MIA2: variants seen among roughly 807,000 people sequenced by gnomAD.
MIA2 encodes the protein MIA SH3 domain ER export factor 2, also known as melanoma inhibitory activity protein 2.
MIA2 carries 127 observed loss-of-function variants against 167.8 expected under a neutral mutation model. That is an observed-to-expected ratio of 0.76 (90% CI 0.66 to 0.88). The LOEUF is 0.88. MIA2 is among the 40% of genes least tolerant of loss of function. The pLI is 0.00. For synonymous variants in MIA2, 552 were observed against 541.9 expected, an observed-to-expected ratio of 1.02 and a Z score of -0.26; for missense variants, 1,690 against 1,624.7, an observed-to-expected ratio of 1.04 and a Z score of -0.69.
At chr14:39,293,187 A>G (rs2060963656) in intron 10 of MIA2, 84 bp from the exon 11 acceptor site, 3 of 898,116 alleles carry the variant, frequency 3.3e-6, no homozygotes, top group Non-Finnish European at 5.3e-6. Context: ...TTTAACTTAT[A>G]GTACATATTT....
intron 23 of MIA2, among the ~76,000 whole-genome samples, chr14:39,377,214 A>G (rs2075061631): frequency 6.6e-6 from 1 of 151,798 alleles, no homozygotes; most frequent in Non-Finnish European, 1.5e-5. Context: ...CATGTCCTAC[A>G]AAGAGAACAT....
intron 15 of MIA2, 111 bp downstream of exon 15, chr14:39,302,360 C>G: frequency 2.4e-6 from 3 of 1,248,654 alleles, no homozygotes; most frequent in Non-Finnish European, 2.3e-6. Context: ...TTGGCACATT[C>G]TGTCTGTCTG....
chr14:39,288,459 A>AT (rs1566747774), intron 9 of MIA2, among the ~76,000 whole-genome samples: 15 of 17,282 alleles, frequency 8.7e-4, no homozygotes, highest in Non-Finnish European at 1.6e-3. Context: ...ATATATATAT[A>AT]TATATATATA....
At chr14:39,315,141 A>AT (rs2065157809) in intron 20 of MIA2, 1 of 113,954 alleles carries the variant, frequency 8.8e-6, no homozygotes, top group African/African-American at 3.1e-5. Context: ...AAAAAAAAAA[A>AT]AAAAATACAA....
At chr14:39,257,209 T>C (rs1445246814) in intron 6 of MIA2, among the ~76,000 whole-genome samples, 1 of 152,222 alleles carries the variant, frequency 6.6e-6, no homozygotes, top group Non-Finnish European at 1.5e-5. Flanking sequence ...AGTATTATTG[T>C]GTGGGAGTCT....
At position 39,247,205 on chromosome 14, in the gene MIA2, G is replaced by C. The variant is rs1805853992; in HGVS notation, c.631G>C (p.Glu211Gln). 1 of 1,614,176 alleles carries C rather than the reference G, an allele frequency of 6.2e-7. No homozygotes were observed. ...VESMEQDRIP[E>Q]VHVPPSSAVS... ...AAGTATGGAACAGGATCGTATTCCA[G>C]AAGTGCATGTCCCACCATCTTCAGC... The change falls in exon 4 of 29, where the codon GAA becomes CAA. Residue 211 changes from glutamate (E) to glutamine (Q), a missense_variant. Transcript: ENST00000640607.
chr14:39,264,859 G>A (rs977247922), intron 6 of MIA2, among the ~76,000 whole-genome samples: 6 of 152,180 alleles, frequency 3.9e-5, no homozygotes, highest in Admixed American at 1.3e-4. Context: ...GCATGTTTCC[G>A]ATGTTCTTGG....
At position 39,364,670 on chromosome 14, in the gene MIA2, C is replaced by T. The variant is rs955667399; in HGVS notation, c.2248+15693C>T. On this transcript the variant is annotated intron_variant, in intron 23 of 23. Transcript: ENST00000341502. ...AAAGACTTTATTTTCCCTTTTGTTACGAAGGAATACTTTGCTGGGTATAGT... is the reference window on the plus strand; with the variant it reads ...AAAGACTTTATTTTCCCTTTTGTTATGAAGGAATACTTTGCTGGGTATAGT... Among the ~76,000 whole-genome samples, 13 of 151,702 alleles carry T rather than the reference C, an allele frequency of 8.6e-5. No individual in the cohort carries two copies. In the South Asian group the frequency reaches 1.7e-3, roughly 19 times the overall value.
At chr14:39,300,921 T>TATATATACACACACATATATAC (rs202223596) in intron 14 of MIA2, among the ~76,000 whole-genome samples, 2 of 63,626 alleles carry the variant, frequency 3.1e-5, no homozygotes, top group South Asian at 6.2e-4. Flanking sequence ...TTGGCATATA[T>TATATATACACACACATATATAC]ATATATACAC....
intron 23 of MIA2, among the ~76,000 whole-genome samples, chr14:39,360,191 A>G (rs2074649050): frequency 6.6e-6 from 1 of 152,026 alleles, no homozygotes; most frequent in African/African-American, 2.4e-5. Context: ...AGTCCTAGCT[A>G]CTTGGGAGGC....
At chr14:39,249,824 G>A (rs968475736) in intron 4 of MIA2, among the ~76,000 whole-genome samples, 2 of 152,272 alleles carry the variant, frequency 1.3e-5, no homozygotes, top group Non-Finnish European at 1.5e-5. Context: ...TTTACAGGAA[G>A]AGGGCAACAA....
intron 15 of MIA2, among the ~76,000 whole-genome samples, chr14:39,302,992 G>C (rs1454403890): frequency 6.6e-6 from 1 of 151,796 alleles, no homozygotes; most frequent in Non-Finnish European, 1.5e-5. Flanking sequence ...AATTTTTTTC[G>C]TGACAACATT....
chr14:39,339,210 GC>G (rs1365433553), intron 25 of MIA2, among the ~76,000 whole-genome samples: 1 of 152,178 alleles, frequency 6.6e-6, no homozygotes, highest in Non-Finnish European at 1.5e-5. Context: ...ATGCTCGCTT[GC>G]CCTCCTCACC....
intron 6 of MIA2, among the ~76,000 whole-genome samples, chr14:39,259,115 T>G (rs1361134552): frequency 6.6e-6 from 1 of 152,234 alleles, no homozygotes; most frequent in Non-Finnish European, 1.5e-5. Flanking sequence ...GCTGTGCTGA[T>G]AGAATCCCTC....
Position 39,247,203 on chromosome 14 carries a change from C to T in MIA2, c.629C>T (p.Pro210Leu), listed in dbSNP as rs764947896. Residue 210 changes from proline (P) to leucine (L), a missense_variant, in exon 4 of 29, where the codon CCA becomes CTA. Transcript: ENST00000640607. ...GAAAGTATGGAACAGGATCGTATTC[C>T]AGAAGTGCATGTCCCACCATCTTCA... ...VVESMEQDRI[P>L]EVHVPPSSAV... 5 of 1,613,936 alleles carry T rather than the reference C, an allele frequency of 3.1e-6. No individual in the cohort carries two copies. In the African/African-American group the frequency reaches 6.7e-5, roughly 22 times the overall value.
At position 39,314,810 on chromosome 14, in the gene MIA2, ATGTGTGTGTGTG is replaced by A. The variant is rs565052015; in HGVS notation, c.3180+27_3180+38del. On this transcript the variant is annotated intron_variant, in intron 20 of 28. Transcript: ENST00000640607. ...TCTTATCAAGGGCAGGTATATATATATGTGTGTGTGTGTGTGTGTGTGTGTGTATATATATAT... is the reference window on the plus strand; with the variant it reads ...TCTTATCAAGGGCAGGTATATATATATGTGTGTGTGTGTGTATATATATAT... 2.8e-6 allele frequency: 3 copies of A among 1,065,162 alleles called. No individual in the cohort carries two copies. In the East Asian group the frequency reaches 8.2e-5, roughly 29 times the overall value. The allele number at this position is 1,065,162 out of a possible 1,614,324, so 66.0% of individuals were successfully genotyped here. A position where few individuals can be genotyped will look rare whatever the true frequency, so the allele number is the denominator to read the frequency against.
intron 23 of MIA2, among the ~76,000 whole-genome samples, chr14:39,360,281 A>C (rs1172857488): frequency 6.6e-6 from 1 of 152,204 alleles, no homozygotes; most frequent in African/African-American, 2.4e-5. Flanking sequence ...CAGCCTGGGC[A>C]ATAGAGCCTT....
intron 23 of MIA2, chr14:39,370,645 G>T: frequency 3.2e-6 from 1 of 310,288 alleles, no homozygotes; most frequent in South Asian, 3.1e-5. Flanking sequence ...TCTGCTGCCC[G>T]AGTCTGTCGC....
At chr14:39,371,309 G>A (rs1444374120) in intron 23 of MIA2, among the ~76,000 whole-genome samples, 1 of 152,160 alleles carries the variant, frequency 6.6e-6, no homozygotes, top group Non-Finnish European at 1.5e-5. Flanking sequence ...TTTGGGGAAG[G>A]GGAGAGAGGG....
Sources: gnomAD v4.1 joint callset for allele counts (sites outside exome capture counted in the v4.1 genomes callset) on GRCh38, gnomAD v4.1.1 for gene constraint, MANE v1.5 for transcripts, NCBI Gene and HGNC (gene_info 2026-07-23, HGNC 2026-07-21) for gene names.